The following TMEM117 variants were observed in gnomAD, a reference collection of about 807,000 sequenced individuals.
TMEM117 encodes transmembrane protein 117.
TMEM117 carries 27 observed loss-of-function variants against 52.4 expected under a neutral mutation model. The observed-to-expected ratio is 0.51, with a 90% CI of 0.38 to 0.71. The LOEUF (loss-of-function observed/expected upper bound fraction) is 0.71. Ranked by LOEUF, TMEM117 falls within the 30% of genes least tolerant of loss-of-function variation. The probability of loss-of-function intolerance (pLI) is 0.00; values close to 1 mark genes in which losing one functional copy is unlikely to be tolerated. For synonymous variants in TMEM117, 215 were observed against 206.3 expected (o/e 1.04, Z -0.36); for missense variants, 556 against 630.5 (o/e 0.88, Z 1.26).
intron 4 of TMEM117, among the ~76,000 whole-genome samples, chr12:44,202,298 A>C (rs1949506292): frequency 6.6e-6 from 1 of 152,182 alleles, no homozygotes; most frequent in Non-Finnish European, 1.5e-5. Context: ...ATGCACATAA[A>C]AAGGTATGAT....
chr12:44,242,458 A>G (rs1487329169), intron 5 of TMEM117, among the ~76,000 whole-genome samples: 1 of 151,940 alleles, frequency 6.6e-6, no homozygotes, highest in Non-Finnish European at 1.5e-5. Flanking sequence ...ATCCCTGCAA[A>G]GGACATGATC....
chr12:44,121,185 G>A (rs1434214138), intron 3 of TMEM117, among the ~76,000 whole-genome samples: 1 of 152,082 alleles, frequency 6.6e-6, no homozygotes, highest in Non-Finnish European at 1.5e-5. Context: ...TCTCCCACTG[G>A]GTCCCTCCCA....
At chr12:44,302,314 T>A (rs1184295360) in intron 6 of TMEM117, among the ~76,000 whole-genome samples, 1 of 152,228 alleles carries the variant, frequency 6.6e-6, no homozygotes, top group Admixed American at 6.5e-5. Flanking sequence ...CCCTCCATGG[T>A]CTGGCCCTGA....
chr12:43,865,467 T>C (rs1480857513), intron 2 of TMEM117, among the ~76,000 whole-genome samples: 1 of 151,938 alleles, frequency 6.6e-6, no homozygotes, highest in African/African-American at 2.4e-5. Context: ...GAGGCCAAGG[T>C]GGGTGGATCA....
Position 44,118,980 on chromosome 12 carries a change from T to C in TMEM117, c.411-24545T>C, listed in dbSNP as rs548944536. The stretch of plus-strand genomic sequence containing the variant: ...AATTCCTAAATAACCTAAAGTAATA[T>C]GAAACTGTATTTTAGCTCATCTGTA... On this transcript the variant is annotated intron_variant, in intron 3 of 7. Coordinates refer to ENST00000266534, the MANE Select transcript of TMEM117 (RefSeq NM_032256.3). Among the ~76,000 whole-genome samples the C allele has an allele frequency of 5.3e-5, 8 of 152,350 alleles. No homozygotes were observed. In the South Asian group the frequency reaches 1.2e-3, roughly 24 times the overall value.
intron 6 of TMEM117, among the ~76,000 whole-genome samples, chr12:44,372,569 G>A (rs1040761963): frequency 6.6e-6 from 1 of 150,638 alleles, no homozygotes. Context: ...CATCCGGATA[G>A]TATGAATCAA....
At chr12:44,032,765 C>T (rs771081320) in intron 3 of TMEM117, among the ~76,000 whole-genome samples, 15 of 152,154 alleles carry the variant, frequency 9.9e-5, no homozygotes, top group Non-Finnish European at 1.9e-4. Context: ...TGACTGAGCT[C>T]CTCTCTACCT....
chr12:44,153,521 T>C (rs1461719628), intron 4 of TMEM117, among the ~76,000 whole-genome samples: 2 of 152,090 alleles, frequency 1.3e-5, no homozygotes, highest in Non-Finnish European at 2.9e-5. Context: ...AGCCAAACTG[T>C]TGATTTTCAA....
chr12:44,148,493 C>G (rs1309265417), intron 4 of TMEM117, among the ~76,000 whole-genome samples: 3 of 152,094 alleles, frequency 2.0e-5, no homozygotes, highest in African/African-American at 7.2e-5. Flanking sequence ...TTTTACCTTT[C>G]TATTTTAACT....
chr12:44,295,983 A>G (rs1950764000), intron 5 of TMEM117, among the ~76,000 whole-genome samples: 1 of 152,294 alleles, frequency 6.6e-6, no homozygotes, highest in South Asian at 2.1e-4. Flanking sequence ...TTTGGCAGAT[A>G]TTGACCTTCT....
chr12:44,366,606 A>G (rs1172298015), intron 6 of TMEM117, among the ~76,000 whole-genome samples: 1 of 152,096 alleles, frequency 6.6e-6, no homozygotes, highest in Non-Finnish European at 1.5e-5. Flanking sequence ...CCTAACCCTC[A>G]TTGAAGAAAG....
intron 3 of TMEM117, among the ~76,000 whole-genome samples, chr12:44,006,803 C>T (rs757046398): frequency 1.4e-4 from 21 of 152,086 alleles, no homozygotes; most frequent in Non-Finnish European, 3.1e-4. Context: ...ACTGAAGATG[C>T]AATGCTGAAT....
At chr12:43,932,052 CTA>C (rs994500803) in intron 2 of TMEM117, among the ~76,000 whole-genome samples, 2 of 152,070 alleles carry the variant, frequency 1.3e-5, no homozygotes, top group Admixed American at 1.3e-4. Context: ...GCATGAAAAT[CTA>C]TGTTTGTTGT....
At chr12:43,806,641 A>G in the TMEM117 span, among the ~76,000 whole-genome samples, 1 of 152,116 alleles carries the variant, frequency 6.6e-6, no homozygotes, top group African/African-American at 2.4e-5. Flanking sequence ...GGAAGTGATC[A>G]TTTTACCAAA....
intron 6 of TMEM117, among the ~76,000 whole-genome samples, chr12:44,323,983 AT>A (rs1487265793): frequency 2.0e-5 from 3 of 151,992 alleles, no homozygotes; most frequent in Non-Finnish European, 4.4e-5. Context: ...GGTATACTCT[AT>A]TTTTTTCCTG....
chr12:43,935,123 C>A (rs1248651938), intron 2 of TMEM117, among the ~76,000 whole-genome samples: 9 of 152,170 alleles, frequency 5.9e-5, no homozygotes, highest in African/African-American at 2.2e-4. Flanking sequence ...ATTCTCCCAC[C>A]TCAATCTCTG....
At chr12:44,270,623 T>G (rs1950434739) in intron 5 of TMEM117, among the ~76,000 whole-genome samples, 1 of 152,146 alleles carries the variant, frequency 6.6e-6, no homozygotes, top group South Asian at 2.1e-4. Context: ...TCATGTCTGA[T>G]TGCTCTGGCT....
At chr12:43,984,682 A>G (rs1565780892) in intron 3 of TMEM117, among the ~76,000 whole-genome samples, 1 of 152,174 alleles carries the variant, frequency 6.6e-6, no homozygotes, top group Non-Finnish European at 1.5e-5. Flanking sequence ...CACTTAAACA[A>G]TTTGGATGTA....
intron 3 of TMEM117, among the ~76,000 whole-genome samples, chr12:44,036,666 G>T (rs1487680744): frequency 6.6e-6 from 1 of 152,010 alleles, no homozygotes; most frequent in African/African-American, 2.4e-5. Flanking sequence ...TAGTTTTCTT[G>T]CCATTTCAAA....
Sources: allele counts gnomAD v4.1 joint callset (sites outside exome capture counted in the v4.1 genomes callset), GRCh38; gene constraint gnomAD v4.1.1; transcripts MANE v1.5; gene names NCBI Gene and HGNC (gene_info 2026-07-23, HGNC 2026-07-21).